The following OR8A1 variants were observed in gnomAD, a reference collection of about 807,000 sequenced individuals.
The protein encoded by OR8A1 is olfactory receptor 8A1.
A neutral mutation model predicts 13.4 loss-of-function variants in OR8A1; 5 were observed. The observed-to-expected ratio is 0.37, with a 90% CI of 0.19 to 0.78. OR8A1 has a LOEUF of 0.78. Ranked by LOEUF, OR8A1 falls within the 30% of genes least tolerant of loss-of-function variation. The probability of loss-of-function intolerance (pLI) is 0.47; values close to 1 mark genes in which losing one functional copy is unlikely to be tolerated. For missense variants in OR8A1, 354 were observed against 374.8 expected, an observed-to-expected ratio of 0.94 and a Z score of 0.46; for synonymous variants, 156 against 150.4, an observed-to-expected ratio of 1.04 and a Z score of -0.27.
rs1862680223 is a variant in OR8A1, at chr11:124,571,112, T to C, written c.*63T>C. ...TGTTATAAATACCAGAGTGACAGCT[T>C]CTGAATGCTGGCCAGCTGTGGATGG... is the stretch of plus-strand genomic sequence containing the variant. On this transcript the variant is annotated 3_prime_UTR_variant, in exon 1 of 1. Coordinates refer to ENST00000284287, the MANE Select transcript of OR8A1 (RefSeq NM_001005194.2). The C allele has an allele frequency of 6.8e-7, 1 of 1,475,950 alleles. No individual in the cohort carries two copies. Among genetic ancestry groups the C allele is most frequent in the Non-Finnish European group, 9.2e-7 (1 of 1,091,864 alleles). The allele number at this position is 1,475,950 out of a possible 1,614,324, so 91.4% of individuals were successfully genotyped here. A position where few individuals can be genotyped will look rare whatever the true frequency, so the allele number is the denominator to read the frequency against.
Position 124,570,837 on chromosome 11 carries a change from T to C in OR8A1, c.718T>C (p.Cys240Arg). 1 of 1,614,090 alleles carries C rather than the reference T, an allele frequency of 6.2e-7. No individual in the cohort carries two copies. Among genetic ancestry groups the C allele is most frequent in the South Asian group, 1.1e-5 (1 of 91,080 alleles). ...GGGGAGATCCAAAGCCTTCAGCACC[T>C]GCAGCTCCCACCTTGCAGCCGTGGG... The part of the protein sequence containing the change: ...TEGRSKAFST[C>R]SSHLAAVGMF... The change falls in exon 1 of 1, where the codon TGC becomes CGC. Residue 240 changes from cysteine to arginine, a missense_variant. By Grantham distance (180) the Cys-to-Arg change is radical (BLOSUM62 -3). Transcript: ENST00000284287.
Position 124,571,249 on chromosome 11 carries a change from T to C in OR8A1, c.*200T>C. 1.9e-6 allele frequency: 1 copy of C among 539,814 alleles called. No individual in the cohort carries two copies. The highest frequency in any genetic ancestry group is 3.2e-6 in the Non-Finnish European group (1 of 309,802). The allele number at this position is 539,814 out of a possible 1,614,324, so 33.4% of individuals were successfully genotyped here. A position where few individuals can be genotyped will look rare whatever the true frequency, so the allele number is the denominator to read the frequency against. On this transcript the variant is annotated 3_prime_UTR_variant, in exon 1 of 1. Coordinates refer to ENST00000284287, the MANE Select transcript of OR8A1 (RefSeq NM_001005194.2). ...CTTCCTTCCTTCCTCTTCTTTCCTC[T>C]TCCTTCCCTCCCTCTTTTTTCACTT...
Position 124,570,325 on chromosome 11 carries a change from T to C in OR8A1, c.206T>C (p.Met69Thr), listed in dbSNP as rs1253375928. 1 of 1,614,162 alleles carries C rather than the reference T, an allele frequency of 6.2e-7. No homozygotes were observed. ...MYYFLSNLSL[M>T]DLCYSSVITP... ...TACTTTCTCAGCAATCTGTCACTCA[T>C]GGATCTCTGCTACTCCTCCGTCATT... The change falls in exon 1 of 1, where the codon ATG (methionine) becomes ACG (threonine). Residue 69 changes from methionine (M) to threonine (T), a missense_variant. Coordinates refer to ENST00000284287, the MANE Select transcript of OR8A1 (RefSeq NM_001005194.2).
Position 124,571,087 on chromosome 11 carries a change from T to G in OR8A1, c.*38T>G. On this transcript the variant is annotated 3_prime_UTR_variant, in exon 1 of 1. Coordinates refer to ENST00000284287, the MANE Select transcript of OR8A1 (RefSeq NM_001005194.2). ...TGTTCCTTTTCAATTTAGTGGTAAT[T>G]GTTATAAATACCAGAGTGACAGCTT... 1 of 1,560,256 alleles carries G rather than the reference T, an allele frequency of 6.4e-7. No homozygotes were observed. The highest frequency in any genetic ancestry group is 1.2e-5 in the South Asian group (1 of 82,302).
Position 124,570,293 on chromosome 11 carries a change from C to T in OR8A1, c.174C>T (p.Pro58=), listed in dbSNP as rs1378338620. The T allele has an allele frequency of 1.2e-6, 2 of 1,614,102 alleles. No individual in the cohort carries two copies. The highest frequency in any genetic ancestry group is 1.7e-6 in the Non-Finnish European group (2 of 1,180,006). The part of the protein sequence containing the change: ...LICLNSQLHT[P]MYYFLSNLSL... ...GTCTGAACTCTCAGCTGCACACCCC[C>T]ATGTACTACTTTCTCAGCAATCTGT... Residue 58 remains proline (P), a synonymous_variant, in exon 1 of 1, where the codon CCC becomes CCT. Coordinates refer to ENST00000284287, the MANE Select transcript of OR8A1 (RefSeq NM_001005194.2).
chr11:124,571,001 G>A lies in OR8A1; in HGVS notation c.882G>A (p.Lys294=). 3 of 1,613,824 alleles carry A rather than the reference G, an allele frequency of 1.9e-6. No homozygotes were observed. The highest frequency in any genetic ancestry group is 1.1e-5 in the South Asian group (1 of 90,990). ...LNPLIYSLRN[K]EVKAAVQKTL... ...CCCTAATCTACAGCCTGAGGAACAA[G>A]GAAGTAAAGGCTGCCGTGCAGAAAA... Residue 294 remains lysine (K), a synonymous_variant, in exon 1 of 1, where the codon AAG becomes AAA. Coordinates refer to ENST00000284287, the MANE Select transcript of OR8A1 (RefSeq NM_001005194.2).
rs1339083238 is a variant in OR8A1 at position 124,570,932 on chromosome 11, T to G, written c.813T>G (p.Asn271Lys). 6.2e-7 allele frequency: 1 copy of G among 1,613,986 alleles called. No homozygotes were observed. Among genetic ancestry groups the G allele is most frequent in the Non-Finnish European group, 8.5e-7 (1 of 1,180,008 alleles). Residue 271 changes from asparagine (N) to lysine (K), a missense_variant, in exon 1 of 1, where the codon AAT (asparagine) becomes AAG (lysine). Asn to Lys is a moderately conservative substitution (Grantham distance 94). Coordinates refer to ENST00000284287, the MANE Select transcript of OR8A1 (RefSeq NM_001005194.2). ...CAATCAGTTCCTTGACCCAGGAGAA[T>G]GTGGCCTCTGTGTTCTACACCACGG... The part of the protein sequence containing the change: ...PSTISSLTQE[N>K]VASVFYTTVI...
rs770070182 is a variant in OR8A1 at position 124,570,333 on chromosome 11, T to C, written c.214T>C (p.Cys72Arg). The stretch of plus-strand genomic sequence containing the variant: ...CAGCAATCTGTCACTCATGGATCTC[T>C]GCTACTCCTCCGTCATTACCCCTAA... ...FLSNLSLMDL[C>R]YSSVITPKML... is the part of the protein sequence containing the mutation. The change falls in exon 1 of 1, where the codon TGC becomes CGC. Residue 72 changes from cysteine to arginine, a missense_variant. Physicochemically the swap from Cys to Arg is radical, Grantham distance 180. Coordinates refer to ENST00000284287, the MANE Select transcript of OR8A1 (RefSeq NM_001005194.2). 1.2e-6 allele frequency: 2 copies of C among 1,614,104 alleles called. No individual in the cohort carries two copies. Among genetic ancestry groups the C allele is most frequent in the South Asian group, 1.1e-5 (1 of 91,082 alleles).
At position 124,571,098 on chromosome 11, in the gene OR8A1, C is replaced by T; in HGVS notation, c.*49C>T. 4.6e-6 allele frequency: 7 copies of T among 1,528,222 alleles called. No homozygotes were observed. Among genetic ancestry groups the T allele is most frequent in the Middle Eastern group, 1.8e-4 (1 of 5,708 alleles). The allele number at this position is 1,528,222 out of a possible 1,614,324, so 94.7% of individuals were successfully genotyped here. ...AATTTAGTGGTAATTGTTATAAATA[C>T]CAGAGTGACAGCTTCTGAATGCTGG... On this transcript the variant is annotated 3_prime_UTR_variant, in exon 1 of 1. Coordinates refer to ENST00000284287, the MANE Select transcript of OR8A1 (RefSeq NM_001005194.2).
chr11:124,571,011 G>C lies in OR8A1; in HGVS notation c.892G>C (p.Ala298Pro). ...IYSLRNKEVK[A>P]AVQKTLRGKL... The stretch of plus-strand genomic sequence containing the variant: ...CAGCCTGAGGAACAAGGAAGTAAAG[G>C]CTGCCGTGCAGAAAACGCTGAGGGG... Residue 298 changes from alanine to proline, a missense_variant, in exon 1 of 1, where the codon GCT becomes CCT. By Grantham distance (27) the Ala-to-Pro change is conservative (BLOSUM62 -1). Coordinates refer to ENST00000284287, the MANE Select transcript of OR8A1 (RefSeq NM_001005194.2). 1.2e-6 allele frequency: 2 copies of C among 1,613,420 alleles called. No homozygotes were observed. Among genetic ancestry groups the C allele is most frequent in the Non-Finnish European group, 8.5e-7 (1 of 1,179,742 alleles).
chr11:124,571,088 G>T lies in OR8A1; in HGVS notation c.*39G>T, dbSNP rs906008145. 6.5e-7 allele frequency: 1 copy of T among 1,548,600 alleles called. No individual in the cohort carries two copies. Among genetic ancestry groups the T allele is most frequent in the East Asian group, 2.3e-5 (1 of 44,294 alleles). On this transcript the variant is annotated 3_prime_UTR_variant, in exon 1 of 1. Transcript: ENST00000284287. The stretch of plus-strand genomic sequence containing the variant: ...GTTCCTTTTCAATTTAGTGGTAATT[G>T]TTATAAATACCAGAGTGACAGCTTC...
At position 124,570,044 on chromosome 11, in the gene OR8A1, C is replaced by T. The variant is rs776964806; in HGVS notation, c.-76C>T. On this transcript the variant is annotated 5_prime_UTR_variant, in exon 1 of 1. Coordinates refer to ENST00000284287, the MANE Select transcript of OR8A1 (RefSeq NM_001005194.2). ...TTTCACTAGCACCAAAGGCTCAAGA[C>T]TAGCCGTCCAAGATTAGCCTTTTAA... The T allele has an allele frequency of 6.3e-7, 1 of 1,583,134 alleles. No homozygotes were observed. The highest frequency in any genetic ancestry group is 1.2e-5 in the South Asian group (1 of 84,606).
chr11:124,571,081 G>A lies in OR8A1; in HGVS notation c.*32G>A. On this transcript the variant is annotated 3_prime_UTR_variant, in exon 1 of 1. Coordinates refer to ENST00000284287, the MANE Select transcript of OR8A1 (RefSeq NM_001005194.2). ...TGTTATTGTTCCTTTTCAATTTAGT[G>A]GTAATTGTTATAAATACCAGAGTGA... 3 of 1,571,434 alleles carry A rather than the reference G, an allele frequency of 1.9e-6. No homozygotes were observed. The highest frequency in any genetic ancestry group is 2.6e-6 in the Non-Finnish European group (3 of 1,159,276).
rs1457193390 is a variant in OR8A1 at position 124,570,353 on chromosome 11, C to T, written c.234C>T (p.Thr78=). The change falls in exon 1 of 1, where the codon ACC becomes ACT. Residue 78 remains threonine, a synonymous_variant. Coordinates refer to ENST00000284287, the MANE Select transcript of OR8A1 (RefSeq NM_001005194.2). ...ATCTCTGCTACTCCTCCGTCATTACCCCTAAGATGCTGGTGAACTTTGTGT... is the reference window on the plus strand; with the variant it reads ...ATCTCTGCTACTCCTCCGTCATTACTCCTAAGATGCTGGTGAACTTTGTGT... ...LMDLCYSSVI[T]PKMLVNFVSE... is the part of the protein sequence containing the mutation. 1.2e-6 allele frequency: 2 copies of T among 1,614,092 alleles called. No homozygotes were observed. Among genetic ancestry groups the T allele is most frequent in the South Asian group, 1.1e-5 (1 of 91,064 alleles).
At position 124,570,483 on chromosome 11, in the gene OR8A1, C is replaced by T. The variant is rs1277738876; in HGVS notation, c.364C>T (p.Arg122Cys). Residue 122 changes from arginine to cysteine, a missense_variant, in exon 1 of 1, where the codon CGC becomes TGC. Arg to Cys is a radical substitution (Grantham distance 180, BLOSUM62 -3). Transcript: ENST00000284287. Reference sequence around the variant, plus strand: ...CATGCTGACAGTGATGGCCTACGACCGCTATGTTGCCATCTGCCACCCTTT... The same window carrying T: ...CATGCTGACAGTGATGGCCTACGACTGCTATGTTGCCATCTGCCACCCTTT... Reference protein sequence around the residue: ...CYMLTVMAYDRYVAICHPLLY... With the variant: ...CYMLTVMAYDCYVAICHPLLY... The T allele has an allele frequency of 2.6e-5, 42 of 1,613,918 alleles. No homozygotes were observed. The highest frequency in any genetic ancestry group is 5.3e-5 in the African/African-American group (4 of 74,894).
Position 124,571,338 on chromosome 11 carries a change from C to T in OR8A1, c.*289C>T. 1 of 376,404 alleles carries T rather than the reference C, an allele frequency of 2.7e-6. No homozygotes were observed. Among genetic ancestry groups the T allele is most frequent in the Non-Finnish European group, 4.8e-6 (1 of 209,150 alleles). 23.3% of individuals were successfully genotyped at this position (376,404 alleles called of 1,614,324 possible). A position where few individuals can be genotyped will look rare whatever the true frequency, so the allele number is the denominator to read the frequency against. ...TCACTTGAGATCCATCCCTCTACCC[C>T]AAGCCCTTTAATAAATGTTTCCTAT... On this transcript the variant is annotated 3_prime_UTR_variant, in exon 1 of 1. Coordinates refer to ENST00000284287, the MANE Select transcript of OR8A1 (RefSeq NM_001005194.2).
In OR8A1 at chr11:124,570,777, A is replaced by C; in HGVS notation, c.658A>C (p.Ile220Leu). ...SLTVLVSYTFILSSILGISTT... is the reference protein window; with the variant it reads ...SLTVLVSYTFLLSSILGISTT... ...AACAGTTCTTGTTTCTTACACCTTC[A>C]TTCTCTCCAGCATCCTCGGCATCAG... is the stretch of plus-strand genomic sequence containing the variant. The change falls in exon 1 of 1, where the codon ATT becomes CTT. Residue 220 changes from isoleucine to leucine, a missense_variant. Coordinates refer to ENST00000284287, the MANE Select transcript of OR8A1 (RefSeq NM_001005194.2). The C allele has an allele frequency of 6.2e-7, 1 of 1,614,002 alleles. No homozygotes were observed. Among genetic ancestry groups the C allele is most frequent in the South Asian group, 1.1e-5 (1 of 91,070 alleles).
chr11:124,570,936 G>A lies in OR8A1; in HGVS notation c.817G>A (p.Ala273Thr). 1 of 1,614,014 alleles carries A rather than the reference G, an allele frequency of 6.2e-7. No homozygotes were observed. The highest frequency in any genetic ancestry group is 8.5e-7 in the Non-Finnish European group (1 of 1,179,988). The change falls in exon 1 of 1, where the codon GCC becomes ACC. Residue 273 changes from alanine (A) to threonine (T), a missense_variant. Ala to Thr is a moderately conservative substitution (Grantham distance 58). Coordinates refer to ENST00000284287, the MANE Select transcript of OR8A1 (RefSeq NM_001005194.2). ...CAGTTCCTTGACCCAGGAGAATGTG[G>A]CCTCTGTGTTCTACACCACGGTAAT... ...TISSLTQENVASVFYTTVIPM... is the reference protein window; with the variant it reads ...TISSLTQENVTSVFYTTVIPM...
Position 124,570,112 on chromosome 11 carries a change from AGAG to A in OR8A1, c.-4_-2del. 6 of 1,613,962 alleles carry A rather than the reference AGAG, an allele frequency of 3.7e-6. No individual in the cohort carries two copies. The highest frequency in any genetic ancestry group is 5.1e-6 in the Non-Finnish European group (6 of 1,179,926). On this transcript the variant is annotated 5_prime_UTR_variant, in exon 1 of 1. Coordinates refer to ENST00000284287, the MANE Select transcript of OR8A1 (RefSeq NM_001005194.2). ...ATGCATCCCTGCAGGCCTCCCACCC[AGAG>A]GAGAATGGCTGCAGGAAATCACTCT... is the stretch of plus-strand genomic sequence containing the variant.
Sources: gnomAD v4.1 joint callset for allele counts on GRCh38, gnomAD v4.1.1 for gene constraint, MANE v1.5 for transcripts, NCBI Gene and HGNC (gene_info 2026-07-23, HGNC 2026-07-21) for gene names.